ATP10A: variants seen among roughly 807,000 people sequenced by gnomAD.
The protein encoded by ATP10A is ATPase phospholipid transporting 10A (putative).
Under a neutral mutation model 147.8 loss-of-function variants are expected in ATP10A, and 111 were observed. That is an observed-to-expected ratio of 0.75 (90% CI 0.64 to 0.88). The LOEUF (loss-of-function observed/expected upper bound fraction) is 0.88. Ranked by LOEUF, ATP10A falls within the 40% of genes least tolerant of loss-of-function variation. The pLI is 0.00. For synonymous variants in ATP10A, 875 were observed against 841.6 expected (o/e 1.04, Z -0.69); for missense variants, 1,927 against 1,959.0 (o/e 0.98, Z 0.31).
At chr15:25,843,778 T>G (rs1216536962) in intron 1 of ATP10A, among the ~76,000 whole-genome samples, 1 of 152,154 alleles carries the variant, frequency 6.6e-6, no homozygotes, top group Non-Finnish European at 1.5e-5. Context: ...AATCATGCCA[T>G]GCCCACAGCT....
At chr15:25,772,458 G>A (rs943943393) in intron 2 of ATP10A, among the ~76,000 whole-genome samples, 7 of 152,122 alleles carry the variant, frequency 4.6e-5, no homozygotes, top group Non-Finnish European at 1.0e-4. Flanking sequence ...TCACTGGGCC[G>A]AGATGGAGAT....
intron 16 of ATP10A, among the ~76,000 whole-genome samples, chr15:25,685,781 G>A (rs1457203821): frequency 2.7e-5 from 4 of 150,540 alleles, no homozygotes; most frequent in African/African-American, 9.8e-5. Flanking sequence ...CTAGAGTGGC[G>A]CCACTGCACT....
intron 2 of ATP10A, among the ~76,000 whole-genome samples, chr15:25,757,478 A>T (rs958837510): frequency 1.3e-5 from 2 of 152,160 alleles, no homozygotes; most frequent in South Asian, 2.1e-4. Context: ...AGATAGAAGG[A>T]TATATTTTAT....
chr15:25,835,875 G>A (rs774217780), intron 1 of ATP10A, among the ~76,000 whole-genome samples: 11 of 152,170 alleles, frequency 7.2e-5, no homozygotes, highest in Non-Finnish European at 1.3e-4. Context: ...GTGCAGTGGT[G>A]CAATCTCGGC....
In ATP10A at chr15:25,680,226, G is replaced by T. The variant is rs200589348; in HGVS notation, c.3761C>A (p.Thr1254Lys). Residue 1254 changes from threonine (T) to lysine (K), a missense_variant, in exon 20 of 21, where the codon ACG becomes AAG. By Grantham distance (78) the Thr-to-Lys change is moderately conservative. Coordinates refer to ENST00000555815, the MANE Select transcript of ATP10A (RefSeq NM_024490.4). ...VALIYNASCA[T>K]CYPPSNPYWT... ...GTAAGGGTTGGACGGAGGATAGCAC[G>T]TGGCACAAGACGCATTGTAAATCAA... 1 of 1,614,134 alleles carries T rather than the reference G, an allele frequency of 6.2e-7. No individual in the cohort carries two copies. The highest frequency in any genetic ancestry group is 8.5e-7 in the Non-Finnish European group (1 of 1,179,984).
In ATP10A at chr15:25,721,700, T is replaced by G. The variant is rs780336996; in HGVS notation, c.1320A>C (p.Arg440=). 24 of 1,614,132 alleles carry G rather than the reference T, an allele frequency of 1.5e-5. No individual in the cohort carries two copies. Among genetic ancestry groups the G allele is most frequent in the Non-Finnish European group, 2.0e-5 (24 of 1,180,032 alleles). The change falls in exon 7 of 21, where the codon CGA becomes CGC. Residue 440 remains arginine (R), a synonymous_variant. Transcript: ENST00000555815. ...ATTCTACACCAGACACAGTGCATCT[T>G]CGGAAAACCATCTTATTCTCTGTCA... ...GTLTENKMVF[R]RCTVSGVEYS...
At chr15:25,811,605 A>G (rs547436771) in intron 1 of ATP10A, among the ~76,000 whole-genome samples, 2 of 152,266 alleles carry the variant, frequency 1.3e-5, no homozygotes, top group Admixed American at 1.3e-4. Flanking sequence ...TGTTTGTAGC[A>G]AGACCAGTGC....
intron 1 of ATP10A, among the ~76,000 whole-genome samples, chr15:25,783,657 C>T (rs928368418): frequency 1.3e-5 from 2 of 152,224 alleles, no homozygotes; most frequent in Admixed American, 6.5e-5. Context: ...AACAAAGATA[C>T]ATTAGATGAT....
At chr15:25,825,685 T>C (rs1892084193) in intron 1 of ATP10A, among the ~76,000 whole-genome samples, 1 of 151,896 alleles carries the variant, frequency 6.6e-6, no homozygotes, top group South Asian at 2.1e-4. Context: ...AGTCAATAAA[T>C]AAACAACAAT....
intron 1 of ATP10A, among the ~76,000 whole-genome samples, chr15:25,797,895 G>A (rs2140769552): frequency 6.6e-6 from 1 of 152,216 alleles, no homozygotes; most frequent in African/African-American, 2.4e-5. Context: ...TATCCTCCAG[G>A]GACATCTACA....
chr15:25,743,954 A>C (rs1013635503), intron 2 of ATP10A, among the ~76,000 whole-genome samples: 1 of 152,094 alleles, frequency 6.6e-6, no homozygotes, highest in Admixed American at 6.5e-5. Flanking sequence ...TCTGCTTGCT[A>C]TGTAGCATAA....
At chr15:25,852,929 CCTGTTAAT>C (rs1418173495) in intron 1 of ATP10A, among the ~76,000 whole-genome samples, 1 of 152,220 alleles carries the variant, frequency 6.6e-6, no homozygotes, top group Admixed American at 6.5e-5. Flanking sequence ...TGCCTTTTCT[CCTGTTAAT>C]CTGCCCTTTG....
At position 25,694,921 on chromosome 15, in the gene ATP10A, T is replaced by C. The variant is rs139727745; in HGVS notation, c.2986A>G (p.Lys996Glu). 8 of 1,614,162 alleles carry C rather than the reference T, an allele frequency of 5.0e-6. No homozygotes were observed. Among genetic ancestry groups the C allele is most frequent in the Non-Finnish European group, 6.8e-6 (8 of 1,180,040 alleles). The change falls in exon 14 of 21, where the codon AAG becomes GAG. Residue 996 changes from lysine to glutamate, a missense_variant. Transcript: ENST00000555815. ...CAGCAGAGGACGGAGCGGCACTGCT[T>C]GGCAAGGAAGAGGAATTTGTCCTCC... is the stretch of plus-strand genomic sequence containing the variant. ...NLEDKFLFLAKQCRSVLCCRS... is the reference protein window; with the variant it reads ...NLEDKFLFLAEQCRSVLCCRS...
intron 2 of ATP10A, among the ~76,000 whole-genome samples, chr15:25,766,989 T>G (rs1889058825): frequency 6.6e-6 from 1 of 151,884 alleles, no homozygotes; most frequent in Non-Finnish European, 1.5e-5. Context: ...ATACACACAC[T>G]TTGCCCTGCC....
intron 5 of ATP10A, among the ~76,000 whole-genome samples, chr15:25,724,977 T>C (rs561582516): frequency 6.6e-6 from 1 of 152,210 alleles, no homozygotes; most frequent in East Asian, 1.9e-4. Context: ...AACCTAGAGG[T>C]GATTTAAAGC....
At chr15:25,761,431 C>T (rs1888753128) in intron 2 of ATP10A, among the ~76,000 whole-genome samples, 1 of 152,226 alleles carries the variant, frequency 6.6e-6, no homozygotes, top group African/African-American at 2.4e-5. Context: ...GGCCACCGTC[C>T]TCCAGACCCC....
Position 25,702,040 on chromosome 15 carries a change from C to G in ATP10A, c.2636G>C (p.Arg879Pro). 1 of 1,614,168 alleles carries G rather than the reference C, an allele frequency of 6.2e-7. No homozygotes were observed. Among genetic ancestry groups the G allele is most frequent in the Non-Finnish European group, 8.5e-7 (1 of 1,180,016 alleles). ...DGVPETISKL[R>P]QAGLQIWVLT... ...AACCCAAATCTGCAGGCCCGCTTGA[C>G]GCAATTTAGAAATAGTTTCAGGGAC... Residue 879 changes from arginine to proline, a missense_variant, in exon 13 of 21, where the codon CGT becomes CCT. Physicochemically the swap from Arg to Pro is moderately radical, Grantham distance 103 (BLOSUM62 -2). Coordinates refer to ENST00000555815, the MANE Select transcript of ATP10A (RefSeq NM_024490.4).
At chr15:25,739,390 A>G (rs1337009598) in intron 2 of ATP10A, among the ~76,000 whole-genome samples, 1 of 152,222 alleles carries the variant, frequency 6.6e-6, no homozygotes, top group East Asian at 1.9e-4. Flanking sequence ...ACTCAAAAAC[A>G]GAGTAAAAAA....
rs7162132 is a variant in ATP10A, at chr15:25,719,042, G to A, written c.1364-643C>T. Among the ~76,000 whole-genome samples, 477 of 152,316 alleles carry A rather than the reference G, an allele frequency of 3.1e-3. 2 individuals carry two copies. The highest frequency in any genetic ancestry group is 0.01 in the African/African-American group (433 of 41,576). ...GCAAATCCCCTTTAGAGGTGCCTGC[G>A]CTGTGGCTTCTTGCTAACCCATGGC... On this transcript the variant is annotated intron_variant, in intron 7 of 20. Coordinates refer to ENST00000555815, the MANE Select transcript of ATP10A (RefSeq NM_024490.4).
Sources: allele counts gnomAD v4.1 joint callset (sites outside exome capture counted in the v4.1 genomes callset), GRCh38; gene constraint gnomAD v4.1.1; transcripts MANE v1.5; gene names NCBI Gene and HGNC (gene_info 2026-07-23, HGNC 2026-07-21).